PPP1R9A: variants seen among roughly 807,000 people sequenced by gnomAD.
PPP1R9A encodes protein phosphatase 1 regulatory subunit 9A, also known as neurabin-1.
Under a neutral mutation model 141.9 loss-of-function variants are expected in PPP1R9A, and 59 were observed. That is an observed-to-expected ratio of 0.42 (90% CI 0.34 to 0.52). The LOEUF (loss-of-function observed/expected upper bound fraction) is 0.52. PPP1R9A is among the 20% of genes least tolerant of loss of function. The probability of loss-of-function intolerance (pLI) is 0.10; values close to 1 mark genes in which losing one functional copy is unlikely to be tolerated. For missense variants in PPP1R9A, 1,444 were observed against 1,611.9 expected, an observed-to-expected ratio of 0.90 and a Z score of 1.78; for synonymous variants, 500 against 569.7, an observed-to-expected ratio of 0.88 and a Z score of 1.74.
At chr7:95,035,857 A>G (rs1808359398) in intron 2 of PPP1R9A, 1 of 152,058 alleles carries the variant, frequency 6.6e-6, no homozygotes, top group South Asian at 2.1e-4. Context: ...TCTGTTCTCC[A>G]TTTTTGCTTA....
chr7:95,136,063 G>A (rs955419803), intron 4 of PPP1R9A, among the ~76,000 whole-genome samples: 1 of 151,930 alleles, frequency 6.6e-6, no homozygotes, highest in African/African-American at 2.4e-5. Flanking sequence ...TGGCAGGATT[G>A]CCATTTGTAG....
chr7:94,927,033 G>T (rs1046146935), intron 2 of PPP1R9A, among the ~76,000 whole-genome samples: 5 of 152,180 alleles, frequency 3.3e-5, no homozygotes, highest in Admixed American at 6.5e-5. Flanking sequence ...AAATAGCTTT[G>T]CTTGTTCATG....
At chr7:95,219,719 T>C (rs1272534346) in intron 7 of PPP1R9A, among the ~76,000 whole-genome samples, 2 of 152,162 alleles carry the variant, frequency 1.3e-5, no homozygotes, top group African/African-American at 4.8e-5. Context: ...ATATTTTGCA[T>C]ATTTCATTTC....
At chr7:95,285,464 A>G (rs1016605275) in intron 17 of PPP1R9A, among the ~76,000 whole-genome samples, 6 of 152,234 alleles carry the variant, frequency 3.9e-5, no homozygotes, top group African/African-American at 7.2e-5. Flanking sequence ...TGTTTTTACA[A>G]GTGCAGCTAC....
Position 95,198,471 on chromosome 7 carries a change from C to A in PPP1R9A, c.1877C>A (p.Ala626Asp). Residue 626 changes from alanine to aspartate, a missense_variant, in exon 6 of 20, where the codon GCC becomes GAC. Ala to Asp is a moderately radical substitution (Grantham distance 126). Transcript: ENST00000433360. ...GAACAGCACTATGCCCAGTATGATG[C>A]CGACGATGACGAGGTCAGTAGTGCT... The part of the protein sequence containing the change: ...LLEQHYAQYD[A>D]DDDENTVAEL... 6.3e-7 allele frequency: 1 copy of A among 1,588,614 alleles called. No individual in the cohort carries two copies. The highest frequency in any genetic ancestry group is 8.5e-7 in the Non-Finnish European group (1 of 1,170,874).
At chr7:95,267,076 C>G (rs1801413868) in intron 12 of PPP1R9A, among the ~76,000 whole-genome samples, 1 of 152,050 alleles carries the variant, frequency 6.6e-6, no homozygotes, top group South Asian at 2.1e-4. Context: ...AAAACCTTCT[C>G]TAAATATTGT....
At chr7:94,925,889 T>C (rs1222392282) in intron 2 of PPP1R9A, among the ~76,000 whole-genome samples, 1 of 152,130 alleles carries the variant, frequency 6.6e-6, no homozygotes, top group Non-Finnish European at 1.5e-5. Context: ...TGCAGTGACA[T>C]GATCACAGCT....
chr7:94,930,374 G>A (rs1487135944), intron 2 of PPP1R9A, among the ~76,000 whole-genome samples: 1 of 152,166 alleles, frequency 6.6e-6, no homozygotes, highest in Non-Finnish European at 1.5e-5. Context: ...GTCTCACTCT[G>A]TCACCCCAGC....
chr7:95,197,796 G>A (rs181696693), intron 5 of PPP1R9A, among the ~76,000 whole-genome samples: 7 of 151,988 alleles, frequency 4.6e-5, no homozygotes, highest in Non-Finnish European at 7.4e-5. Context: ...CTACAGGTGC[G>A]CGCCACCACG....
At position 95,119,587 on chromosome 7, in the gene PPP1R9A, G is replaced by A. The variant is rs192122411; in HGVS notation, c.1529-1125G>A. ...CTCCCACGTCAGCCCCCAAACAGCT[G>A]GGACTACAGGTGTGCCCCACCATGC... On this transcript the variant is annotated intron_variant, in intron 3 of 19. Coordinates refer to ENST00000433360, the MANE Select transcript of PPP1R9A (RefSeq NM_001166160.2). 2.5e-3 allele frequency among the ~76,000 whole-genome samples: 386 copies of A among 152,086 alleles called. 3 individuals are homozygous for A. The highest frequency in any genetic ancestry group is 3.4e-3 in the Middle Eastern group (1 of 294).
chr7:95,181,341 A>T (rs1420026645), intron 5 of PPP1R9A, among the ~76,000 whole-genome samples: 1 of 141,454 alleles, frequency 7.1e-6, no homozygotes, highest in Non-Finnish European at 1.5e-5. Context: ...AATATATAGA[A>T]TATATATAGT....
chr7:95,129,018 A>G (rs1369653494), intron 4 of PPP1R9A, among the ~76,000 whole-genome samples: 1 of 152,196 alleles, frequency 6.6e-6, no homozygotes, highest in African/African-American at 2.4e-5. Flanking sequence ...CTGGAGTTAA[A>G]TTTTTATATA....
At chr7:95,268,501 C>G in intron 12 of PPP1R9A, 49 bp from the exon 13 acceptor site, 1 of 1,600,352 alleles carries the variant, frequency 6.2e-7, no homozygotes, top group South Asian at 1.1e-5. Context: ...GTCTCTTCAT[C>G]AGTTCTCTCC....
At position 95,168,618 on chromosome 7, in the gene PPP1R9A, G is replaced by T. The variant is rs573954228; in HGVS notation, c.1754+6647G>T. 4.6e-5 allele frequency among the ~76,000 whole-genome samples: 7 copies of T among 151,924 alleles called. No individual in the cohort carries two copies. In the East Asian group the frequency reaches 9.7e-4, roughly 21 times the overall value. On this transcript the variant is annotated intron_variant, in intron 5 of 19. Coordinates refer to ENST00000433360, the MANE Select transcript of PPP1R9A (RefSeq NM_001166160.2). ...TGAAGAGACAGCCTGTTGAATGGGA[G>T]AAAATATTTATAAACTATTTGTTCA... is the stretch of plus-strand genomic sequence containing the variant.
At chr7:94,945,750 C>G (rs1795827388) in intron 2 of PPP1R9A, among the ~76,000 whole-genome samples, 1 of 151,926 alleles carries the variant, frequency 6.6e-6, no homozygotes, top group Non-Finnish European at 1.5e-5. Flanking sequence ...TCTTACTGAT[C>G]TGATTATTTG....
chr7:95,000,131 C>A (rs967044471), intron 2 of PPP1R9A, among the ~76,000 whole-genome samples: 10 of 152,240 alleles, frequency 6.6e-5, no homozygotes, highest in African/African-American at 1.9e-4. Context: ...TAAGATTCAT[C>A]ATGCAGTTCT....
At chr7:95,272,102 G>T (rs550137741) in intron 14 of PPP1R9A, among the ~76,000 whole-genome samples, 7 of 152,122 alleles carry the variant, frequency 4.6e-5, no homozygotes, top group Admixed American at 2.6e-4. Context: ...GCTTTTAGTC[G>T]CATGATGTCC....
Position 95,170,012 on chromosome 7 carries a change from G to A in PPP1R9A, c.1754+8041G>A, listed in dbSNP as rs565117613. ...CAAAAATACAATAAGGTAGCAAAAG[G>A]GCTGAGTATGATAAGTAGATACAGA... On this transcript the variant is annotated intron_variant, in intron 5 of 19. Coordinates refer to ENST00000433360, the MANE Select transcript of PPP1R9A (RefSeq NM_001166160.2). Among the ~76,000 whole-genome samples, 24 of 149,722 alleles carry A rather than the reference G, an allele frequency of 1.6e-4. No homozygotes were observed. In the South Asian group the frequency reaches 4.8e-3, roughly 30 times the overall value.
At chr7:95,191,785 A>G (rs1835540726) in intron 5 of PPP1R9A, among the ~76,000 whole-genome samples, 1 of 152,082 alleles carries the variant, frequency 6.6e-6, no homozygotes, top group African/African-American at 2.4e-5. Flanking sequence ...CTATTTTACT[A>G]TCACACATTA....
Sources: allele counts gnomAD v4.1 joint callset (sites outside exome capture counted in the v4.1 genomes callset), GRCh38; gene constraint gnomAD v4.1.1; transcripts MANE v1.5; gene names NCBI Gene and HGNC (gene_info 2026-07-23, HGNC 2026-07-21).